DENND1A: variants seen among roughly 807,000 people sequenced by gnomAD.
DENND1A encodes the protein DENN domain-containing protein 1A.
In DENND1A, 51 loss-of-function variants were observed where a neutral mutation model predicts 113.7. That is an observed-to-expected ratio of 0.45 (90% CI 0.36 to 0.57). The LOEUF is 0.57. Among genes scored for constraint, DENND1A ranks in the 20% least tolerant of loss-of-function variants. The pLI is 0.00. For synonymous variants in DENND1A, 565 were observed against 570.8 expected (o/e 0.99, Z 0.14); for missense variants, 1,258 against 1,395.9 (o/e 0.90, Z 1.57).
intron 2 of DENND1A, among the ~76,000 whole-genome samples, chr9:123,804,097 A>G (rs1331673830): frequency 6.6e-6 from 1 of 152,240 alleles, no homozygotes; most frequent in African/African-American, 2.4e-5. Context: ...GAACCCGTGG[A>G]AGGTGATTGA....
chr9:123,594,666 G>A (rs2137155622), intron 11 of DENND1A, among the ~76,000 whole-genome samples: 1 of 152,030 alleles, frequency 6.6e-6, no homozygotes, highest in East Asian at 1.9e-4. Context: ...CCATTTGATG[G>A]ATGAGGAAAC....
At chr9:123,521,439 C>T (rs1270227342) in intron 13 of DENND1A, among the ~76,000 whole-genome samples, 6 of 152,136 alleles carry the variant, frequency 3.9e-5, no homozygotes, top group African/African-American at 1.2e-4. Context: ...CTTTGGGCAT[C>T]GACTTCCCCA....
At chr9:123,736,859 C>A (rs2068602365) in intron 5 of DENND1A, among the ~76,000 whole-genome samples, 1 of 152,186 alleles carries the variant, frequency 6.6e-6, no homozygotes, top group Admixed American at 6.5e-5. Context: ...GTCACTGGGC[C>A]TATTGGCAGT....
At chr9:123,433,579 TC>T (rs1482154890) in intron 19 of DENND1A, among the ~76,000 whole-genome samples, 1 of 152,194 alleles carries the variant, frequency 6.6e-6, no homozygotes, top group East Asian at 1.9e-4. Context: ...TTAACATTAA[TC>T]CCACATCATC....
chr9:123,866,312 T>C (rs1213731874), intron 2 of DENND1A, among the ~76,000 whole-genome samples: 1 of 152,234 alleles, frequency 6.6e-6, no homozygotes, highest in African/African-American at 2.4e-5. Context: ...TAGCTGAGGA[T>C]TGATCACTGG....
At chr9:123,807,216 C>T (rs549765892) in intron 2 of DENND1A, among the ~76,000 whole-genome samples, 110 of 151,836 alleles carry the variant, frequency 7.2e-4, no homozygotes, top group African/African-American at 2.5e-3. Context: ...TTTTTTTTGG[C>T]CTTATATTCT....
chr9:123,640,051 T>A (rs1165320741), intron 9 of DENND1A, among the ~76,000 whole-genome samples: 2 of 152,194 alleles, frequency 1.3e-5, no homozygotes, highest in Admixed American at 1.3e-4. Flanking sequence ...TTCTGTGCTC[T>A]TAGCCCCCAT....
At chr9:123,541,270 G>A (rs1252336342) in intron 13 of DENND1A, among the ~76,000 whole-genome samples, 4 of 152,158 alleles carry the variant, frequency 2.6e-5, no homozygotes, top group Non-Finnish European at 4.4e-5. Flanking sequence ...ATAATACTGT[G>A]TACATTTAAC....
intron 4 of DENND1A, among the ~76,000 whole-genome samples, chr9:123,763,335 A>G (rs921109532): frequency 1.3e-5 from 2 of 152,178 alleles, no homozygotes; most frequent in Non-Finnish European, 2.9e-5. Flanking sequence ...AGTTATAGTT[A>G]GCAGATATGA....
chr9:123,641,952 G>A (rs113034431), intron 9 of DENND1A, among the ~76,000 whole-genome samples: 6 of 152,252 alleles, frequency 3.9e-5, no homozygotes, highest in Admixed American at 3.9e-4. Flanking sequence ...ATCAGAACTG[G>A]GGAATCACTG....
intron 11 of DENND1A, among the ~76,000 whole-genome samples, chr9:123,591,952 G>A (rs1411105779): frequency 2.0e-5 from 3 of 152,236 alleles, no homozygotes; most frequent in African/African-American, 7.2e-5. Context: ...AAGACTGTGG[G>A]TCTGGAACAA....
chr9:123,836,848 G>T (rs984244919), intron 2 of DENND1A, among the ~76,000 whole-genome samples: 1 of 152,000 alleles, frequency 6.6e-6, no homozygotes, highest in Non-Finnish European at 1.5e-5. Context: ...TCATTTAACA[G>T]ATAATTTACA....
chr9:123,811,436 T>G lies in DENND1A; in HGVS notation c.89-18806A>C, dbSNP rs191088705. Among the ~76,000 whole-genome samples the G allele has an allele frequency of 1.3e-3, 194 of 152,322 alleles. 2 individuals are homozygous for G. Among genetic ancestry groups the G allele is most frequent in the Non-Finnish European group, 3.7e-4 (25 of 68,018 alleles). ...AAATAGAATGAATTTTAAATTTCCA[T>G]GCCTTATAATCCACCAATTTCACTT... On this transcript the variant is annotated intron_variant, in intron 2 of 23. Coordinates refer to ENST00000394215, the MANE Select transcript of DENND1A (RefSeq NM_001352964.2).
intron 21 of DENND1A, chr9:123,401,695 T>A: frequency 6.5e-7 from 1 of 1,535,586 alleles, no homozygotes; most frequent in Non-Finnish European, 8.8e-7. Context: ...AAACTAAAAG[T>A]GATACTGACA....
chr9:123,783,381 AG>A (rs1264943968), intron 3 of DENND1A, among the ~76,000 whole-genome samples: 1 of 152,224 alleles, frequency 6.6e-6, no homozygotes, highest in Non-Finnish European at 1.5e-5. Context: ...TTCCTGGATC[AG>A]TCTGAAATTC....
chr9:123,713,122 A>AC (rs1245677983), intron 5 of DENND1A, among the ~76,000 whole-genome samples: 1 of 152,266 alleles, frequency 6.6e-6, no homozygotes, highest in Non-Finnish European at 1.5e-5. Flanking sequence ...CCGAGAGTTA[A>AC]CAAGGGGCAG....
intron 5 of DENND1A, among the ~76,000 whole-genome samples, chr9:123,679,481 T>TA (rs2064302748): frequency 6.6e-6 from 1 of 152,244 alleles, no homozygotes; most frequent in Non-Finnish European, 1.5e-5. Flanking sequence ...GTTTTGCAGT[T>TA]ACCCTGGAAA....
intron 1 of DENND1A, among the ~76,000 whole-genome samples, chr9:123,889,850 G>T (rs900470791): frequency 6.6e-6 from 1 of 152,044 alleles, no homozygotes; most frequent in African/African-American, 2.4e-5. Flanking sequence ...GCACACAGCT[G>T]TAACCCCAGC....
chr9:123,430,939 G>A (rs1229954037), intron 19 of DENND1A, among the ~76,000 whole-genome samples: 1 of 152,126 alleles, frequency 6.6e-6, no homozygotes, highest in East Asian at 1.9e-4. Flanking sequence ...GAAGGTTGAG[G>A]CTGCGGTGAG....
Sources: allele counts gnomAD v4.1 joint callset (sites outside exome capture counted in the v4.1 genomes callset), GRCh38; gene constraint gnomAD v4.1.1; transcripts MANE v1.5; gene names NCBI Gene and HGNC (gene_info 2026-07-23, HGNC 2026-07-21).